The following ST8SIA6 variants were observed in gnomAD, a reference collection of about 807,000 sequenced individuals.
ST8SIA6 encodes the protein ST8 alpha-N-acetyl-neuraminide alpha-2,8-sialyltransferase 6.
ST8SIA6 carries 39 observed loss-of-function variants against 33.6 expected under a neutral mutation model. The observed-to-expected ratio is 1.16, with a 90% CI of 0.90 to 1.52. The LOEUF is 1.52. Ranked by LOEUF, ST8SIA6 falls within the 40% of genes most tolerant of loss-of-function variation. ST8SIA6 has a pLI of 0.00. For missense variants in ST8SIA6, 441 were observed against 443.8 expected, an observed-to-expected ratio of 0.99 and a Z score of 0.06; for synonymous variants, 172 against 167.2, an observed-to-expected ratio of 1.03 and a Z score of -0.22.
chr10:17,399,981 G>C (rs781762003), intron 2 of ST8SIA6, among the ~76,000 whole-genome samples: 11 of 151,316 alleles, frequency 7.3e-5, no homozygotes, highest in Non-Finnish European at 1.3e-4. Context: ...ATGTGTGAAA[G>C]CTTTTATTTT....
intron 6 of ST8SIA6, among the ~76,000 whole-genome samples, chr10:17,323,484 T>A (rs374689750): frequency 8.2e-5 from 12 of 145,750 alleles, no homozygotes; most frequent in East Asian, 6.4e-4. Flanking sequence ...AACCTCCGCC[T>A]CTCGGATTCA....
At chr10:17,353,269 G>T (rs1388912672) in intron 4 of ST8SIA6, among the ~76,000 whole-genome samples, 1 of 152,176 alleles carries the variant, frequency 6.6e-6, no homozygotes. Context: ...TGAAAACTTT[G>T]TGGTAAAACT....
At chr10:17,406,849 C>T (rs979827167) in intron 2 of ST8SIA6, among the ~76,000 whole-genome samples, 3 of 142,434 alleles carry the variant, frequency 2.1e-5, no homozygotes, top group Non-Finnish European at 3.0e-5. Flanking sequence ...GGCTGGAGTG[C>T]AACGGTGCAA....
At chr10:17,327,363 G>A (rs906478041) in intron 5 of ST8SIA6, among the ~76,000 whole-genome samples, 15 of 152,160 alleles carry the variant, frequency 9.9e-5, no homozygotes, top group Admixed American at 4.6e-4. Flanking sequence ...AAGGAGGGTG[G>A]ATCACAAGGT....
chr10:17,423,636 G>A (rs1228189641), intron 2 of ST8SIA6, among the ~76,000 whole-genome samples: 2 of 152,188 alleles, frequency 1.3e-5, no homozygotes, highest in Non-Finnish European at 1.5e-5. Context: ...CCACTCTGAT[G>A]AGAATACAAT....
At position 17,333,714 on chromosome 10, in the gene ST8SIA6, TATA is replaced by T. The variant is rs1463772169; in HGVS notation, c.378-2165_378-2163del. On this transcript the variant is annotated intron_variant, in intron 4 of 7. Coordinates refer to ENST00000377602, the MANE Select transcript of ST8SIA6 (RefSeq NM_001004470.3). ...ATATATATATATATATATATATATA[TATA>T]TTTTTTTTTTTTTTTTTTTTTTTTG... Among the ~76,000 whole-genome samples, 36 of 40,144 alleles carry T rather than the reference TATA, an allele frequency of 9.0e-4. 1 individual carries two copies. Among genetic ancestry groups the T allele is most frequent in the Non-Finnish European group, 1.2e-3 (24 of 20,704 alleles). 26.3% of individuals were successfully genotyped at this position (40,144 alleles called of 152,430 possible).
chr10:17,417,105 T>A (rs980493740), intron 2 of ST8SIA6, among the ~76,000 whole-genome samples: 3 of 152,028 alleles, frequency 2.0e-5, no homozygotes, highest in Non-Finnish European at 4.4e-5. Context: ...AAGCTTATAA[T>A]CATGGCGGGA....
intron 2 of ST8SIA6, among the ~76,000 whole-genome samples, chr10:17,404,070 A>C (rs1308845790): frequency 1.3e-5 from 2 of 150,478 alleles, no homozygotes; most frequent in Non-Finnish European, 3.0e-5. Flanking sequence ...GTCTCAAAAA[A>C]AAAAAAAAAA....
At position 17,316,654 on chromosome 10, in the gene ST8SIA6, T is replaced by C. The variant is rs149613761; in HGVS notation, c.*4224A>G. Among the ~76,000 whole-genome samples the C allele has an allele frequency of 1.1e-4, 16 of 152,308 alleles. No individual in the cohort carries two copies. The East Asian group carries it at 2.3e-3, about 22-fold the overall frequency. ...TTGAAGTTAATGACCTTACTCATTT[T>C]TACCAATGCAATGGATGTAGTATCT... On this transcript the variant is annotated 3_prime_UTR_variant, in exon 8 of 8. Transcript: ENST00000377602.
intron 2 of ST8SIA6, chr10:17,410,049 A>T (rs1029684118): frequency 6.6e-6 from 1 of 152,236 alleles, no homozygotes. Flanking sequence ...TACAAAAACT[A>T]GTTGTCAGAC....
At position 17,454,418 on chromosome 10, in the gene ST8SIA6, G is replaced by T. The variant is rs1394111059; in HGVS notation, c.-163C>A. The T allele has an allele frequency of 1.9e-5, 3 of 158,452 alleles. No individual in the cohort carries two copies. Among genetic ancestry groups the T allele is most frequent in the South Asian group, 1.8e-4 (1 of 5,442 alleles). 9.8% of individuals were successfully genotyped at this position (158,452 alleles called of 1,614,324 possible). ...AGCGAGGGGCGCCCGCAGCCCACCC[G>T]GCAGAGTCTCCGCGGCGGGCGGAGA... On this transcript the variant is annotated 5_prime_UTR_variant, in exon 1 of 8. Coordinates refer to ENST00000377602, the MANE Select transcript of ST8SIA6 (RefSeq NM_001004470.3). The surrounding 1 kb of genome is among the most constrained non-coding windows in gnomAD (Gnocchi z 4.1).
chr10:17,415,194 A>C (rs1851564854), intron 2 of ST8SIA6, among the ~76,000 whole-genome samples: 1 of 152,178 alleles, frequency 6.6e-6, no homozygotes. Flanking sequence ...AGAAGACTTA[A>C]AACTGGCTAA....
chr10:17,381,210 C>T (rs774179397), intron 3 of ST8SIA6, among the ~76,000 whole-genome samples: 21 of 151,924 alleles, frequency 1.4e-4, no homozygotes, highest in Non-Finnish European at 2.8e-4. Context: ...CTCTCTATAC[C>T]TTATGATGTA....
chr10:17,321,025 T>C lies in ST8SIA6; in HGVS notation c.1050A>G (p.Val350=). ...AGTGATGGCTGACAGGTATGTCTTC[T>C]ACAGTTTTAGAGAAGGGCCAGAATC... ...LYGFWPFSKT[V]EDIPVSHHYY... Residue 350 remains valine (V), a synonymous_variant, in exon 8 of 8, where the codon GTA becomes GTG. Coordinates refer to ENST00000377602, the MANE Select transcript of ST8SIA6 (RefSeq NM_001004470.3). 1 of 1,614,098 alleles carries C rather than the reference T, an allele frequency of 6.2e-7. No individual in the cohort carries two copies. Among genetic ancestry groups the C allele is most frequent in the South Asian group, 1.1e-5 (1 of 91,080 alleles).
At chr10:17,368,715 A>G (rs1034603654) in intron 3 of ST8SIA6, among the ~76,000 whole-genome samples, 1 of 152,168 alleles carries the variant, frequency 6.6e-6, no homozygotes, top group Non-Finnish European at 1.5e-5. Context: ...CTGTGCAAAT[A>G]TAAGGGGGTG....
intron 3 of ST8SIA6, among the ~76,000 whole-genome samples, chr10:17,376,148 A>C (rs1246626793): frequency 6.6e-6 from 1 of 152,194 alleles, no homozygotes; most frequent in East Asian, 1.9e-4. Context: ...ATGGCAGAGA[A>C]TGGGAGTGAT....
chr10:17,319,530 T>C lies in ST8SIA6; in HGVS notation c.*1348A>G, dbSNP rs1377555403. 3.3e-5 allele frequency among the ~76,000 whole-genome samples: 5 copies of C among 152,192 alleles called. No homozygotes were observed. The highest frequency in any genetic ancestry group is 1.2e-4 in the African/African-American group (5 of 41,468). On this transcript the variant is annotated 3_prime_UTR_variant, in exon 8 of 8. Transcript: ENST00000377602. Reference sequence around the variant, plus strand: ...CAAAAGAAAACCCGCAAACATTCTTTTTCTCCTAAGCTTTTACTGGAACAT... The same window carrying C: ...CAAAAGAAAACCCGCAAACATTCTTCTTCTCCTAAGCTTTTACTGGAACAT...
chr10:17,429,728 G>C (rs1215647730), intron 2 of ST8SIA6, among the ~76,000 whole-genome samples: 3 of 152,030 alleles, frequency 2.0e-5, no homozygotes, highest in African/African-American at 7.2e-5. Flanking sequence ...CAAGCGATCT[G>C]ACCGCCTCAG....
At chr10:17,403,406 T>C (rs1316904649) in intron 2 of ST8SIA6, 2 of 152,244 alleles carry the variant, frequency 1.3e-5, no homozygotes, top group Non-Finnish European at 2.9e-5. Flanking sequence ...GGTCCTTGGC[T>C]GTGGGAAGCA....
Sources: gnomAD v4.1 joint callset for allele counts (sites outside exome capture counted in the v4.1 genomes callset) on GRCh38, gnomAD v4.1.1 for gene constraint, Gnocchi (gnomAD v3.1) non-coding constraint, MANE v1.5 for transcripts, NCBI Gene and HGNC (gene_info 2026-07-23, HGNC 2026-07-21) for gene names.